Variants in LDLRAP1 observed in about 807,000 individuals in gnomAD.
LDLRAP1 encodes low density lipoprotein receptor adapter protein 1.
Under a neutral mutation model 37.8 loss-of-function variants are expected in LDLRAP1, and 30 were observed. The ratio of observed to expected loss-of-function variants is 0.79; its 90% CI spans 0.59 to 1.08. LDLRAP1 has a LOEUF of 1.08. LDLRAP1 is among the 50% of genes least tolerant of loss of function. The pLI is 0.00. For synonymous variants in LDLRAP1, 156 were observed against 169.8 expected, an observed-to-expected ratio of 0.92 and a Z score of 0.63; for missense variants, 375 against 401.6, an observed-to-expected ratio of 0.93 and a Z score of 0.57.
At chr1:25,590,117 A>G in the LDLRAP1 span, 2 of 152,174 alleles carry the variant, frequency 1.3e-5, no homozygotes, top group Admixed American at 1.3e-4. Context: ...AAATAAATAA[A>G]TACCCTCTTA....
chr1:25,567,489 A>G lies in LDLRAP1; in HGVS notation c.*497A>G, dbSNP rs935324996. The G allele has an allele frequency of 8.4e-5, 23 of 275,424 alleles. No homozygotes were observed. Among genetic ancestry groups the G allele is most frequent in the Non-Finnish European group, 1.4e-4 (20 of 140,700 alleles). The allele number at this position is 275,424 out of a possible 1,614,324, so 17.1% of individuals were successfully genotyped here. ...GAGCACCCACAGCCGCAGAAGGGGA[A>G]TGTGTCCTCCTGCTCTGCTTCCTCA... is the stretch of plus-strand genomic sequence containing the variant. On this transcript the variant is annotated 3_prime_UTR_variant, in exon 9 of 9. Coordinates refer to ENST00000374338, the MANE Select transcript of LDLRAP1 (RefSeq NM_015627.3).
chr1:25,567,021 C>T lies in LDLRAP1; in HGVS notation c.*29C>T, dbSNP rs1439398133. ...CCCGGGGCCAGCCGGACACAAGCGG[C>T]CCTGACACGTGATGGACCAAAGCCA... On this transcript the variant is annotated 3_prime_UTR_variant, in exon 9 of 9. Transcript: ENST00000374338. 4 of 1,612,646 alleles carry T rather than the reference C, an allele frequency of 2.5e-6. No individual in the cohort carries two copies. The highest frequency in any genetic ancestry group is 3.4e-6 in the Non-Finnish European group (4 of 1,179,814).
At chr1:25,563,571 A>AG in intron 6 of LDLRAP1, 90 bp from the exon 7 acceptor site, 2 of 1,568,704 alleles carry the variant, frequency 1.3e-6, no homozygotes, top group South Asian at 2.3e-5. Context: ...GCCACATCAG[A>AG]GGGGAGGGTC....
chr1:25,587,202 A>G, the LDLRAP1 span, among the ~76,000 whole-genome samples: 1 of 151,368 alleles, frequency 6.6e-6, no homozygotes, highest in African/African-American at 2.4e-5. Flanking sequence ...CCCAGCCTGG[A>G]GTGTAGTGGT....
the LDLRAP1 span, among the ~76,000 whole-genome samples, chr1:25,587,414 C>G: frequency 1.3e-5 from 2 of 152,176 alleles, no homozygotes; most frequent in African/African-American, 4.8e-5. Flanking sequence ...CTCAGCCTCC[C>G]AAAGTGTTGG....
Position 25,567,278 on chromosome 1 carries a change from G to A in LDLRAP1, c.*286G>A. ...CGTCTCCTGCTGCGTGACATGTGCA[G>A]TGCTGTAATCGGCTCCCGCTTGCTC... On this transcript the variant is annotated 3_prime_UTR_variant, in exon 9 of 9. Coordinates refer to ENST00000374338, the MANE Select transcript of LDLRAP1 (RefSeq NM_015627.3). 4.1e-6 allele frequency: 2 copies of A among 492,366 alleles called. No individual in the cohort carries two copies. The highest frequency in any genetic ancestry group is 4.0e-5 in the South Asian group (2 of 49,654). The allele number at this position is 492,366 out of a possible 1,614,324, so 30.5% of individuals were successfully genotyped here.
intron 1 of LDLRAP1, among the ~76,000 whole-genome samples, chr1:25,550,335 C>G (rs1410792177): frequency 6.6e-6 from 1 of 152,164 alleles, no homozygotes. Context: ...AGACATGAAG[C>G]ATTGGAGCTG....
At chr1:25,550,843 G>A (rs558941426) in intron 1 of LDLRAP1, among the ~76,000 whole-genome samples, 107 of 152,288 alleles carry the variant, frequency 7.0e-4, no homozygotes, top group African/African-American at 2.6e-3. Flanking sequence ...GAAAAATGCT[G>A]AACATTTCAG....
At position 25,557,196 on chromosome 1, in the gene LDLRAP1, G is replaced by A. The variant is rs761357415; in HGVS notation, c.388G>A (p.Ala130Thr). Reference sequence around the variant, plus strand: ...AGACAAGATGCACGACAAGGTGTTTGCATACATCGCCCAGAGCCAGCACAA... The same window carrying A: ...AGACAAGATGCACGACAAGGTGTTTACATACATCGCCCAGAGCCAGCACAA... ...TADKMHDKVF[A>T]YIAQSQHNQS... Residue 130 changes from alanine to threonine, a missense_variant, in exon 4 of 9, where the codon GCA (alanine) becomes ACA (threonine). Coordinates refer to ENST00000374338, the MANE Select transcript of LDLRAP1 (RefSeq NM_015627.3). 3 of 1,614,192 alleles carry A rather than the reference G, an allele frequency of 1.9e-6. No homozygotes were observed. Among genetic ancestry groups the A allele is most frequent in the East Asian group, 4.5e-5 (2 of 44,880 alleles).
intron 1 of LDLRAP1, 94 bp from the exon 2 acceptor site, chr1:25,553,828 G>C: frequency 1.3e-6 from 2 of 1,483,456 alleles, no homozygotes; most frequent in South Asian, 2.4e-5. Context: ...CATCCCCCTT[G>C]CTGGGGTTTC....
intron 4 of LDLRAP1, among the ~76,000 whole-genome samples, chr1:25,559,184 C>T (rs1381231688): frequency 6.6e-6 from 1 of 152,170 alleles, no homozygotes; most frequent in Non-Finnish European, 1.5e-5. Flanking sequence ...GGAGGCCACA[C>T]AGACTTAAAA....
chr1:25,559,360 C>A (rs986124297), intron 4 of LDLRAP1, among the ~76,000 whole-genome samples: 3 of 152,072 alleles, frequency 2.0e-5, no homozygotes, highest in African/African-American at 7.2e-5. Flanking sequence ...CCAGCTCTTA[C>A]AAGGGAGACC....
chr1:25,563,560 G>A, intron 6 of LDLRAP1, 101 bp from the exon 7 acceptor site: 3 of 1,532,610 alleles, frequency 2.0e-6, no homozygotes, highest in Non-Finnish European at 2.7e-6. Flanking sequence ...GCCTGGGCAA[G>A]GCCACATCAG....
Position 25,551,449 on chromosome 1 carries a change from G to A in LDLRAP1, c.89-2473G>A, listed in dbSNP as rs2124654375. ...GTCTCAGTTTCCTCTCTGTAAAATG[G>A]GAATGAGAGAATGCCTGCTTGCAAG... On this transcript the variant is annotated intron_variant, in intron 1 of 8. Coordinates refer to ENST00000374338, the MANE Select transcript of LDLRAP1 (RefSeq NM_015627.3). Among the ~76,000 whole-genome samples, 2 of 152,326 alleles carry A rather than the reference G, an allele frequency of 1.3e-5. 1 individual carries two copies.
At chr1:25,579,153 A>G in the LDLRAP1 span, among the ~76,000 whole-genome samples, 4,449 of 152,290 alleles carry the variant, frequency 0.029, 81 homozygotes, top group African/African-American at 0.047. Flanking sequence ...CCAACATGAC[A>G]TCACTTAACC....
chr1:25,564,968 C>T (rs1269278835), intron 7 of LDLRAP1: 2 of 606,018 alleles, frequency 3.3e-6, no homozygotes, highest in Non-Finnish European at 6.0e-6. Flanking sequence ...CCTTTCTCCT[C>T]TCCCACGTCT....
chr1:25,563,730 A>T lies in LDLRAP1; in HGVS notation c.686A>T (p.Asn229Ile). The change falls in exon 7 of 9, where the codon AAC (asparagine) becomes ATC (isoleucine). Residue 229 changes from asparagine (N) to isoleucine (I), a missense_variant. Coordinates refer to ENST00000374338, the MANE Select transcript of LDLRAP1 (RefSeq NM_015627.3). ...AKAPLSTVSA[N>I]TTNMDEVPRP... ...GCCCCGCTGTCCACGGTCAGCGCCA[A>T]CACCACCAACATGGACGAGGTGCCG... The T allele has an allele frequency of 6.2e-7, 1 of 1,614,028 alleles. No individual in the cohort carries two copies.
Position 25,560,877 on chromosome 1 carries a change from C to T in LDLRAP1, c.460-1767C>T, listed in dbSNP as rs372316448. On this transcript the variant is annotated intron_variant, in intron 4 of 8. Transcript: ENST00000374338. ...AGTCCCTCCACCTAATGCTGGTCCT[C>T]GGATCCCTGCAGCCACCCCAGGAAG... Among the ~76,000 whole-genome samples, 43 of 152,340 alleles carry T rather than the reference C, an allele frequency of 2.8e-4. 1 individual carries two copies. The highest frequency in any genetic ancestry group is 1.9e-4 in the East Asian group (1 of 5,184).
chr1:25,566,985 G>C lies in LDLRAP1; in HGVS notation c.920G>C (p.Ser307Thr), dbSNP rs771621117. Residue 307 changes from serine (S) to threonine (T), a missense_variant, in exon 9 of 9, where the codon AGC becomes ACC. Physicochemically the swap from Ser to Thr is moderately conservative, Grantham distance 58. Coordinates refer to ENST00000374338, the MANE Select transcript of LDLRAP1 (RefSeq NM_015627.3). ...GGCACAGAGCAGGATGACCTCTTCA[G>C]CTTCTGAGGGCCCGGGGCCAGCCGG... ...SSGTEQDDLFSF is the reference protein window; with the variant it reads ...SSGTEQDDLFTF 1.2e-6 allele frequency: 2 copies of C among 1,613,348 alleles called. No homozygotes were observed. The highest frequency in any genetic ancestry group is 1.7e-5 in the Admixed American group (1 of 60,026).
Sources: allele counts gnomAD v4.1 joint callset (sites outside exome capture counted in the v4.1 genomes callset), GRCh38; gene constraint gnomAD v4.1.1; transcripts MANE v1.5; gene names NCBI Gene and HGNC (gene_info 2026-07-23, HGNC 2026-07-21).